The following ABCA8 variants were observed in gnomAD, a reference collection of about 807,000 sequenced individuals.
The protein encoded by ABCA8 is ATP binding cassette subfamily A member 8, also known as ABC-type organic anion transporter ABCA8.
Under a neutral mutation model 192.3 loss-of-function variants are expected in ABCA8, and 177 were observed. That is an observed-to-expected ratio of 0.92 (90% CI 0.81 to 1.04). The LOEUF is 1.04. ABCA8 is among the 50% of genes least tolerant of loss of function. The pLI is 0.00. For missense variants in ABCA8, 1,915 were observed against 1,904.8 expected (o/e 1.01, Z -0.10); for synonymous variants, 642 against 690.2 (o/e 0.93, Z 1.09).
chr17:68,886,454 T>A (rs925529977), intron 26 of ABCA8, among the ~76,000 whole-genome samples: 13 of 152,210 alleles, frequency 8.5e-5, no homozygotes, highest in South Asian at 2.1e-4. Context: ...TTACTCTTTT[T>A]CAGATTTCAT....
At chr17:68,933,468 G>C (rs534905067) in intron 5 of ABCA8, among the ~76,000 whole-genome samples, 197 bp from the exon 6 acceptor site, 9 of 152,222 alleles carry the variant, frequency 5.9e-5, no homozygotes, top group African/African-American at 2.2e-4. Context: ...TCATGAGGTG[G>C]AGCACTCTTA....
intron 3 of ABCA8, among the ~76,000 whole-genome samples, 182 bp downstream of exon 3, chr17:68,941,757 C>T (rs1194530571): frequency 6.6e-6 from 1 of 152,112 alleles, no homozygotes; most frequent in Non-Finnish European, 1.5e-5. Flanking sequence ...GAGCCCATGT[C>T]AACTGAAATA....
At chr17:68,950,506 T>C (rs1436882169) in intron 1 of ABCA8, among the ~76,000 whole-genome samples, 1 of 152,216 alleles carries the variant, frequency 6.6e-6, no homozygotes, top group Non-Finnish European at 1.5e-5. Context: ...AAACCTATTA[T>C]AAATGGATGT....
At chr17:68,883,265 A>T (rs2143304033) in intron 29 of ABCA8, among the ~76,000 whole-genome samples, 1 of 152,358 alleles carries the variant, frequency 6.6e-6, no homozygotes, top group Non-Finnish European at 1.5e-5. Context: ...CTGTAATAGC[A>T]AAAGATGAAA....
intron 11 of ABCA8, 78 bp from the exon 12 acceptor site, chr17:68,922,378 A>G (rs2067568821): frequency 3.0e-6 from 3 of 999,348 alleles, no homozygotes; most frequent in East Asian, 6.2e-5. Flanking sequence ...AGGATTGGAT[A>G]AATCTTAACT....
intron 17 of ABCA8, among the ~76,000 whole-genome samples, chr17:68,912,039 C>G (rs1373802453): frequency 1.3e-5 from 2 of 151,990 alleles, no homozygotes; most frequent in Non-Finnish European, 2.9e-5. Flanking sequence ...TACCTAACTC[C>G]TCAATGCCCA....
At chr17:68,948,701 C>T (rs2191214) in intron 2 of ABCA8, among the ~76,000 whole-genome samples, 76,684 of 151,916 alleles carry the variant, frequency 0.5, 19,886 homozygotes, top group Middle Eastern at 0.59. Context: ...TGCCTGTTCA[C>T]GCTGATGATA....
At chr17:68,947,791 T>C (rs774892997) in intron 2 of ABCA8, among the ~76,000 whole-genome samples, 9 of 152,178 alleles carry the variant, frequency 5.9e-5, no homozygotes, top group Non-Finnish European at 1.0e-4. Context: ...TTTTGTTACA[T>C]AGGTATACAT....
intron 17 of ABCA8, among the ~76,000 whole-genome samples, chr17:68,917,086 G>C (rs2067389797): frequency 6.6e-6 from 1 of 152,030 alleles, no homozygotes; most frequent in Non-Finnish European, 1.5e-5. Flanking sequence ...TGGCCAACAC[G>C]GTGAAACCCC....
rs570919934 is a variant in ABCA8 at position 68,919,411 on chromosome 17, T to C, written c.1678A>G (p.Thr560Ala). The C allele has an allele frequency of 4.3e-6, 7 of 1,614,090 alleles. No homozygotes were observed. In the South Asian group the frequency reaches 7.7e-5, roughly 18 times the overall value. ...ACATTGGATTGTGGACAAACTCCGG[T>C]CAGCTTGCTGAGATTTTCTAGGTCA... ...MADLENLSKL[T>A]GVCPQSNVQF... Residue 560 changes from threonine (T) to alanine (A), a missense_variant, in exon 14 of 40, where the codon ACC becomes GCC. Physicochemically the swap from Thr to Ala is moderately conservative, Grantham distance 58 (BLOSUM62 0). Coordinates refer to ENST00000586539, the MANE Select transcript of ABCA8 (RefSeq NM_001288985.2).
intron 17 of ABCA8, among the ~76,000 whole-genome samples, chr17:68,912,747 C>T (rs527587053): frequency 1.3e-5 from 2 of 152,104 alleles, no homozygotes; most frequent in South Asian, 2.1e-4. Context: ...ATATGTAATG[C>T]AAATGTTATT....
chr17:68,921,457 C>T lies in ABCA8; in HGVS notation c.1537G>A (p.Ala513Thr), dbSNP rs772895868. The change falls in exon 13 of 40, where the codon GCA (alanine) becomes ACA (threonine). Residue 513 changes from alanine (A) to threonine (T), a missense_variant. Physicochemically the swap from Ala to Thr is moderately conservative, Grantham distance 58. Transcript: ENST00000586539. ...VFDIYEGQIT[A>T]ILGHSGAGKS... ...CCAGCTCCACTGTGACCAAGTATTG[C>T]AGTGATTTGGCCTTCGTAAATGTCA... is the stretch of plus-strand genomic sequence containing the variant. The T allele has an allele frequency of 3.7e-6, 6 of 1,607,660 alleles. No individual in the cohort carries two copies.
In ABCA8 at chr17:68,891,542, A is replaced by C. The variant is rs2066622126; in HGVS notation, c.3091T>G (p.Leu1031Val). 6.2e-7 allele frequency: 1 copy of C among 1,613,368 alleles called. No homozygotes were observed. Among genetic ancestry groups the C allele is most frequent in the African/African-American group, 1.3e-5 (1 of 75,052 alleles). ...ATGTAAGGTGGGCAACTCGATGTTAAAACCAGCCAGAACATGATATATGCC... is the reference window on the plus strand; with the variant it reads ...ATGTAAGGTGGGCAACTCGATGTTACAACCAGCCAGAACATGATATATGCC... ...FLAYIMFWLVLTSSCPPYIAM... is the reference protein window; with the variant it reads ...FLAYIMFWLVVTSSCPPYIAM... The change falls in exon 24 of 40, where the codon TTA becomes GTA. Residue 1031 changes from leucine to valine, a missense_variant. Coordinates refer to ENST00000586539, the MANE Select transcript of ABCA8 (RefSeq NM_001288985.2).
At chr17:68,869,860 T>A (rs1004377548) in intron 37 of ABCA8, 81 bp from the exon 38 acceptor site, 3 of 968,228 alleles carry the variant, frequency 3.1e-6, no homozygotes, top group South Asian at 1.4e-5. Context: ...CTGGTCTTTT[T>A]TTTTCTTTTA....
chr17:68,890,409 G>T (rs781717098), intron 24 of ABCA8, among the ~76,000 whole-genome samples: 2 of 152,128 alleles, frequency 1.3e-5, no homozygotes, highest in Admixed American at 6.6e-5. Flanking sequence ...TATTACAGAG[G>T]AATGAGAGTT....
chr17:68,943,507 T>A (rs763378636), intron 2 of ABCA8, among the ~76,000 whole-genome samples: 8 of 152,220 alleles, frequency 5.3e-5, no homozygotes, highest in Non-Finnish European at 1.2e-4. Context: ...TCACTTACAA[T>A]GCATAAATTC....
At chr17:68,870,987 C>A (rs1367503811) in intron 37 of ABCA8, among the ~76,000 whole-genome samples, 1 of 152,172 alleles carries the variant, frequency 6.6e-6, no homozygotes, top group African/African-American at 2.4e-5. Context: ...CCAATTTCTC[C>A]ACCTCCTTAG....
chr17:68,904,098 A>T (rs1361068680), intron 19 of ABCA8, among the ~76,000 whole-genome samples: 1 of 151,920 alleles, frequency 6.6e-6, no homozygotes, highest in African/African-American at 2.4e-5. Context: ...AGATATAAGG[A>T]TCTTAAGATA....
At chr17:68,903,204 A>G (rs2066959655) in intron 20 of ABCA8, 97 bp downstream of exon 20, 19 of 1,298,888 alleles carry the variant, frequency 1.5e-5, no homozygotes, top group African/African-American at 3.0e-5. Flanking sequence ...TGCCTAATTC[A>G]TCATATCTTT....
Sources: allele counts gnomAD v4.1 joint callset (sites outside exome capture counted in the v4.1 genomes callset), GRCh38; gene constraint gnomAD v4.1.1; transcripts MANE v1.5; gene names NCBI Gene and HGNC (gene_info 2026-07-23, HGNC 2026-07-21).